Variants in HSD17B12 observed in about 807,000 individuals in gnomAD.
HSD17B12 encodes the protein hydroxysteroid 17-beta dehydrogenase 12, also known as very-long-chain 3-oxoacyl-CoA reductase.
In HSD17B12, 32 loss-of-function variants were observed where a neutral mutation model predicts 39.3. The ratio of observed to expected loss-of-function variants is 0.81; its 90% confidence interval spans 0.61 to 1.09. The LOEUF is 1.09. HSD17B12 is among the 50% of genes least tolerant of loss of function. The pLI, the probability that HSD17B12 is intolerant of heterozygous loss-of-function variation, is 0.00. For missense variants in HSD17B12, 342 were observed against 382.9 expected (o/e 0.89, Z 0.89); for synonymous variants, 150 against 146.7 (o/e 1.02, Z -0.16).
At chr11:43,608,977 T>A in the HSD17B12 span, among the ~76,000 whole-genome samples, 8 of 152,130 alleles carry the variant, frequency 5.3e-5, no homozygotes, top group African/African-American at 1.9e-4. Flanking sequence ...CAGGCTGTAG[T>A]GTAGTGGTGT....
At chr11:43,770,700 G>T (rs1433919097) in intron 3 of HSD17B12, among the ~76,000 whole-genome samples, 1 of 152,144 alleles carries the variant, frequency 6.6e-6, no homozygotes, top group Non-Finnish European at 1.5e-5. Context: ...TCGTCACTGC[G>T]CTCCAGCCTG....
the HSD17B12 span, among the ~76,000 whole-genome samples, chr11:43,667,359 C>G: frequency 6.6e-6 from 1 of 152,072 alleles, no homozygotes; most frequent in South Asian, 2.1e-4. Flanking sequence ...GCCATGTTGA[C>G]CAGGCTGGTC....
intron 1 of HSD17B12, among the ~76,000 whole-genome samples, chr11:43,682,544 C>CAAAAAAAAAAAAAAAAAAAA (rs55938101): frequency 8.4e-6 from 1 of 118,464 alleles, no homozygotes; most frequent in African/African-American, 3.2e-5. Context: ...AGACTCATCT[C>CAAAAAAAAAAAAAAAAAAAA]AAAAAAAAAA....
the HSD17B12 span, among the ~76,000 whole-genome samples, chr11:43,576,295 A>T: frequency 6.6e-6 from 1 of 152,202 alleles, no homozygotes; most frequent in Admixed American, 6.5e-5. Flanking sequence ...AAAAAAAGTG[A>T]GGAGGGGGCG....
intron 9 of HSD17B12, among the ~76,000 whole-genome samples, chr11:43,847,101 T>C (rs939015): frequency 0.66 from 99,625 of 152,096 alleles, 32,978 homozygotes; most frequent in East Asian, 0.76. Flanking sequence ...GAGAATGTAC[T>C]GATCTTGGTG....
At chr11:43,755,869 GGTAATTT>G (rs1950503718) in intron 3 of HSD17B12, among the ~76,000 whole-genome samples, 1 of 152,136 alleles carries the variant, frequency 6.6e-6, no homozygotes, top group South Asian at 2.1e-4. Flanking sequence ...CCTGAGACTG[GGTAATTT>G]GTAAAGAAAA....
chr11:43,843,121 C>T (rs570759220), intron 9 of HSD17B12, among the ~76,000 whole-genome samples: 1 of 152,122 alleles, frequency 6.6e-6, no homozygotes, highest in East Asian at 1.9e-4. Context: ...TGAATTCATT[C>T]AAGGTTTAAA....
At position 43,779,233 on chromosome 11, in the gene HSD17B12, G is replaced by C. The variant is rs151196432; in HGVS notation, c.284-19087G>C. The stretch of plus-strand genomic sequence containing the variant: ...ATTAGTGGAGAGGACATGGTGTGGA[G>C]TATAATCTACCAAGTGGGCAATAAA... On this transcript the variant is annotated intron_variant, in intron 3 of 10. Transcript: ENST00000278353. Among the ~76,000 whole-genome samples the C allele has an allele frequency of 5.4e-4, 82 of 152,264 alleles. 1 individual carries two copies. In the East Asian group the frequency reaches 0.012, roughly 22 times the overall value.
intron 3 of HSD17B12, among the ~76,000 whole-genome samples, chr11:43,767,350 T>G (rs1377494225): frequency 2.6e-5 from 4 of 152,224 alleles, no homozygotes; most frequent in African/African-American, 9.6e-5. Flanking sequence ...AGGTACAACC[T>G]TCAGCTATAA....
intron 1 of HSD17B12, among the ~76,000 whole-genome samples, chr11:43,705,767 T>TTC (rs1308052044): frequency 4.4e-5 from 6 of 136,256 alleles, no homozygotes; most frequent in African/African-American, 1.6e-4. Context: ...TCCTCTTTTT[T>TTC]TTTTTTTTTT....
chr11:43,600,243 T>C, the HSD17B12 span, among the ~76,000 whole-genome samples: 1 of 152,222 alleles, frequency 6.6e-6, no homozygotes. Flanking sequence ...ACTTGTATTC[T>C]TTTACCACAT....
Position 43,815,468 on chromosome 11 carries a change from T to C in HSD17B12, c.423T>C (p.Pro141=), listed in dbSNP as rs777378554. 6 of 1,582,310 alleles carry C rather than the reference T, an allele frequency of 3.8e-6. No homozygotes were observed. In the Admixed American group the frequency reaches 5.0e-5, roughly 13 times the overall value. The change falls in exon 5 of 11, where the codon CCT becomes CCC. Residue 141 remains proline, a synonymous_variant. Transcript: ENST00000278353. ...VNNVGMSYEY[P]EYFLDVPDLD... is the part of the protein sequence containing the mutation. ...ACGTGGGAATGTCGTATGAGTATCC[T>C]GAATACTTTTTGGATGTTCCTGACT...
intron 2 of HSD17B12, among the ~76,000 whole-genome samples, chr11:43,752,724 A>AAAG (rs1204534302): frequency 6.6e-6 from 1 of 151,724 alleles, no homozygotes; most frequent in Non-Finnish European, 1.5e-5. Context: ...AAAAAAAAAA[A>AAAG]TAAGTGATTT....
chr11:43,812,478 G>A (rs182487319), intron 4 of HSD17B12, among the ~76,000 whole-genome samples: 1 of 152,156 alleles, frequency 6.6e-6, no homozygotes, highest in Admixed American at 6.5e-5. Flanking sequence ...TTGGTGATGA[G>A]CATTTTTTCA....
chr11:43,631,589 CTG>C, the HSD17B12 span, among the ~76,000 whole-genome samples: 1 of 142,440 alleles, frequency 7.0e-6, no homozygotes, highest in East Asian at 2.4e-4. Context: ...CTCTCTCTCT[CTG>C]TCTCTCTCTC....
the HSD17B12 span, among the ~76,000 whole-genome samples, chr11:43,601,647 C>G: frequency 6.6e-6 from 1 of 152,090 alleles, no homozygotes; most frequent in Non-Finnish European, 1.5e-5. Flanking sequence ...GGGTAATCTC[C>G]TTTTGATGGA....
intron 1 of HSD17B12, among the ~76,000 whole-genome samples, chr11:43,731,628 G>C (rs1377536044): frequency 2.0e-5 from 3 of 152,124 alleles, no homozygotes; most frequent in African/African-American, 7.2e-5. Flanking sequence ...TCTCATAAAG[G>C]GTTGCAGCCT....
At chr11:43,755,517 A>G (rs1166788218) in intron 3 of HSD17B12, 1 of 152,230 alleles carries the variant, frequency 6.6e-6, no homozygotes, top group African/African-American at 2.4e-5. Context: ...TGAAAATAAA[A>G]TGATTACCAT....
chr11:43,652,336 TCA>T, the HSD17B12 span, among the ~76,000 whole-genome samples: 1 of 152,188 alleles, frequency 6.6e-6, no homozygotes, highest in Non-Finnish European at 1.5e-5. Context: ...TCCTCTGGTC[TCA>T]CACCACACAA....
Sources: gnomAD v4.1 joint callset for allele counts (sites outside exome capture counted in the v4.1 genomes callset) on GRCh38, gnomAD v4.1.1 for gene constraint, MANE v1.5 for transcripts, NCBI Gene and HGNC (gene_info 2026-07-23, HGNC 2026-07-21) for gene names.